TMEM71: variants seen among roughly 807,000 people sequenced by gnomAD.
TMEM71 encodes the protein transmembrane protein 71.
In TMEM71, 44 loss-of-function variants were observed where a neutral mutation model predicts 38.0. The observed-to-expected ratio is 1.16, with a 90% CI of 0.91 to 1.49. TMEM71 has a LOEUF of 1.49. Ranked by LOEUF, TMEM71 falls within the 40% of genes most tolerant of loss-of-function variation. The probability of loss-of-function intolerance (pLI) is 0.00; values close to 1 mark genes in which losing one functional copy is unlikely to be tolerated. For synonymous variants in TMEM71, 133 were observed against 122.5 expected, an observed-to-expected ratio of 1.09 and a Z score of -0.56; for missense variants, 367 against 348.6, an observed-to-expected ratio of 1.05 and a Z score of -0.42.
chr8:132,709,537 T>A (rs1826143761), downstream of TMEM71, among the ~76,000 whole-genome samples: 1 of 152,130 alleles, frequency 6.6e-6, no homozygotes, highest in Non-Finnish European at 1.5e-5. Context: ...GGATCCTAAA[T>A]GTAGTCTCAA....
chr8:132,767,329 C>T, the TMEM71 span, among the ~76,000 whole-genome samples: 2 of 152,120 alleles, frequency 1.3e-5, no homozygotes, highest in Admixed American at 1.3e-4. Flanking sequence ...TTTTAGTTGT[C>T]ATAATCTCTT....
intron 8 of TMEM71, 46 bp from the exon 9 acceptor site, chr8:132,714,098 C>T: frequency 6.2e-7 from 1 of 1,610,726 alleles, no homozygotes. Context: ...TTAAAGTGAC[C>T]AAAATTGGAA....
rs185141754 is a variant in TMEM71 at position 132,759,006 on chromosome 8, G to T, written c.-36-91C>A. On this transcript the variant is annotated intron_variant, in intron 1 of 9. Coordinates refer to ENST00000677595, the MANE Select transcript of TMEM71 (RefSeq NM_001382403.1). Reference sequence around the variant, plus strand: ...TGGCATCTACTAATTGCACTAGTCAGATTTGTTTACTGAAATAATACAGAG... The same window carrying T: ...TGGCATCTACTAATTGCACTAGTCATATTTGTTTACTGAAATAATACAGAG... The T allele has an allele frequency of 3.6e-3, 2,693 of 757,678 alleles. 5 individuals are homozygous for T. Among genetic ancestry groups the T allele is most frequent in the Non-Finnish European group, 5.3e-3 (2,321 of 438,628 alleles). The allele number at this position is 757,678 out of a possible 1,614,324, so 46.9% of individuals were successfully genotyped here.
chr8:132,740,707 G>A (rs940138573), intron 5 of TMEM71, among the ~76,000 whole-genome samples: 36 of 152,226 alleles, frequency 2.4e-4, no homozygotes, highest in Admixed American at 1.4e-3. Flanking sequence ...AAAGGACAAC[G>A]GTGGAGTTGA....
chr8:132,771,491 C>CA, the TMEM71 span, among the ~76,000 whole-genome samples: 2 of 152,026 alleles, frequency 1.3e-5, no homozygotes, highest in Non-Finnish European at 2.9e-5. Flanking sequence ...TTAAAAATCT[C>CA]AGAGATCCAT....
the TMEM71 span, among the ~76,000 whole-genome samples, chr8:132,767,478 GT>G: frequency 1.8e-3 from 244 of 137,482 alleles, no homozygotes; most frequent in African/African-American, 4.6e-3. Flanking sequence ...TACCTCTTTG[GT>G]TTTTTTTTTT....
At chr8:132,755,716 T>A (rs1216322475) in intron 3 of TMEM71, among the ~76,000 whole-genome samples, 1 of 152,196 alleles carries the variant, frequency 6.6e-6, no homozygotes, top group Non-Finnish European at 1.5e-5. Context: ...TAAAAGCTTA[T>A]ATACAATGAA....
chr8:132,763,177 C>T (rs1829324296), upstream of TMEM71, among the ~76,000 whole-genome samples: 1 of 152,158 alleles, frequency 6.6e-6, no homozygotes, highest in Non-Finnish European at 1.5e-5. Context: ...ACACCACTCC[C>T]TAGTCTCTTC....
upstream of TMEM71, among the ~76,000 whole-genome samples, chr8:132,764,213 A>G (rs1829336228): frequency 6.6e-6 from 1 of 152,162 alleles, no homozygotes; most frequent in African/African-American, 2.4e-5. Flanking sequence ...AGCTACATCA[A>G]ATCAGTATGC....
chr8:132,755,054 A>G (rs1828928648), intron 3 of TMEM71, among the ~76,000 whole-genome samples: 1 of 152,124 alleles, frequency 6.6e-6, no homozygotes, highest in Non-Finnish European at 1.5e-5. Flanking sequence ...TCTTTCTTCT[A>G]CATCCTTTTG....
intron 5 of TMEM71, among the ~76,000 whole-genome samples, chr8:132,735,506 T>G (rs1827699190): frequency 6.6e-6 from 1 of 152,236 alleles, no homozygotes; most frequent in African/African-American, 2.4e-5. Context: ...ATGTGATTAC[T>G]CTGACAGCAG....
At chr8:132,735,479 C>G (rs1168136058) in intron 5 of TMEM71, among the ~76,000 whole-genome samples, 1 of 152,128 alleles carries the variant, frequency 6.6e-6, no homozygotes, top group Non-Finnish European at 1.5e-5. Flanking sequence ...ATCTGGAAAG[C>G]AAGAAGTCTG....
chr8:132,767,972 T>G, the TMEM71 span, among the ~76,000 whole-genome samples: 1 of 152,200 alleles, frequency 6.6e-6, no homozygotes, highest in Non-Finnish European at 1.5e-5. Flanking sequence ...TAAGCAATTA[T>G]GTTACTTATA....
intron 4 of TMEM71, among the ~76,000 whole-genome samples, chr8:132,748,126 C>G (rs1000610321): frequency 6.6e-6 from 1 of 152,232 alleles, no homozygotes; most frequent in Non-Finnish European, 1.5e-5. Flanking sequence ...TTGAGTGGGA[C>G]AGCTTTCCCA....
chr8:132,717,304 C>G (rs1394700120), intron 7 of TMEM71, among the ~76,000 whole-genome samples: 2 of 152,054 alleles, frequency 1.3e-5, no homozygotes, highest in African/African-American at 4.8e-5. Flanking sequence ...AAAAGGCAAA[C>G]CACAGAATAG....
At chr8:132,760,314 C>T (rs1185063866) in intron 1 of TMEM71, 162 bp downstream of exon 1, 2 of 152,214 alleles carry the variant, frequency 1.3e-5, no homozygotes, top group African/African-American at 4.8e-5. Context: ...AAGGGAGTTC[C>T]CAGCCTCTTC....
chr8:132,738,850 T>C (rs958862409), intron 5 of TMEM71, among the ~76,000 whole-genome samples: 4 of 103,386 alleles, frequency 3.9e-5, no homozygotes, highest in African/African-American at 1.3e-4. Context: ...ACTAATCTAG[T>C]ATTACATGCA....
At chr8:132,725,443 AAT>A (rs1238117130) in intron 6 of TMEM71, among the ~76,000 whole-genome samples, 3 of 152,212 alleles carry the variant, frequency 2.0e-5, no homozygotes, top group African/African-American at 4.8e-5. Flanking sequence ...AAAGACAGAG[AAT>A]GCCAGGATCC....
intron 7 of TMEM71, among the ~76,000 whole-genome samples, chr8:132,716,039 G>A (rs1826508404): frequency 6.6e-6 from 1 of 152,170 alleles, no homozygotes; most frequent in African/African-American, 2.4e-5. Flanking sequence ...CAGAGCCCGA[G>A]GGAGCCGAGA....
Sources: allele counts gnomAD v4.1 joint callset (sites outside exome capture counted in the v4.1 genomes callset), GRCh38; gene constraint gnomAD v4.1.1; transcripts MANE v1.5; gene names NCBI Gene and HGNC (gene_info 2026-07-23, HGNC 2026-07-21).